Variants in KIF14 observed in about 807,000 individuals in gnomAD.
The protein encoded by KIF14 is kinesin-like protein KIF14.
Under a neutral mutation model 176.2 loss-of-function variants are expected in KIF14, and 98 were observed. The observed-to-expected ratio is 0.56, with a 90% confidence interval of 0.47 to 0.66. KIF14 has a LOEUF of 0.66. Among genes scored for constraint, KIF14 ranks in the 30% least tolerant of loss-of-function variants. KIF14 has a pLI of 0.00. For synonymous variants in KIF14, 566 were observed against 632.2 expected (o/e 0.90, Z 1.57); for missense variants, 1,751 against 1,920.4 (o/e 0.91, Z 1.65).
rs150613750 is a variant in KIF14, at chr1:200,587,543, G to T, written c.3115-1316C>A. On this transcript the variant is annotated intron_variant, in intron 18 of 29. Coordinates refer to ENST00000367350, the MANE Select transcript of KIF14 (RefSeq NM_014875.3). ...TAATAATTGTTTTGGGGCCGGGTGC[G>T]GTGGCTCATGCCTATAATCCCAGCA... Among the ~76,000 whole-genome samples, 495 of 152,202 alleles carry T rather than the reference G, an allele frequency of 3.3e-3. 4 individuals are homozygous for T. Among genetic ancestry groups the T allele is most frequent in the African/African-American group, 0.011 (475 of 41,516 alleles).
At position 200,581,070 on chromosome 1, in the gene KIF14, C is replaced by G. The variant is rs181538094; in HGVS notation, c.3335+131G>C. On this transcript the variant is annotated intron_variant, in intron 20 of 29. Transcript: ENST00000367350. ...TGGAGGTTGCAGTGAGCCCAGATTG[C>G]GCCACTGCACTCCAGCCTGGGCAAC... The G allele has an allele frequency of 1.2e-3, 536 of 435,656 alleles. 5 individuals are homozygous for G. Among genetic ancestry groups the G allele is most frequent in the African/African-American group, 0.011 (472 of 42,342 alleles). The allele number at this position is 435,656 out of a possible 1,614,324, so 27.0% of individuals were successfully genotyped here.
In KIF14 at chr1:200,589,256, G is replaced by A; in HGVS notation, c.3075C>T (p.Asn1025=). The part of the protein sequence containing the change: ...KQHLEQEIYV[N]KKRLEMETLA... ...ATGTTTCCATTTCTAATCGCTTTTT[G>A]TTGACATATATTTCCTGTTCAAGAT... The change falls in exon 18 of 30, where the codon AAC becomes AAT. Residue 1025 remains asparagine, a synonymous_variant. Transcript: ENST00000367350. 2 of 1,607,408 alleles carry A rather than the reference G, an allele frequency of 1.2e-6. No homozygotes were observed. The highest frequency in any genetic ancestry group is 1.7e-6 in the Non-Finnish European group (2 of 1,176,220).
At chr1:200,599,153 C>T (rs187219213) in intron 13 of KIF14, among the ~76,000 whole-genome samples, 5 of 152,254 alleles carry the variant, frequency 3.3e-5, no homozygotes, top group African/African-American at 9.6e-5. Context: ...TTAATTCTCT[C>T]GAAAGGGTGC....
At chr1:200,594,216 T>A (rs868166978) in intron 14 of KIF14, among the ~76,000 whole-genome samples, 1 of 152,068 alleles carries the variant, frequency 6.6e-6, no homozygotes. Flanking sequence ...ATTACAGGCA[T>A]GAGCCACTGC....
Position 200,603,874 on chromosome 1 carries a change from A to G in KIF14, c.1828T>C (p.Cys610Arg). Reference protein sequence around the residue: ...NLIDLAGSERCSTAHTNGDRL... With the variant: ...NLIDLAGSERRSTAHTNGDRL... ...TCTCCATTAGTGTGAGCCGTAGAGC[A>G]GCGCTCACTGCCTGCCAGATCTATT... is the stretch of plus-strand genomic sequence containing the variant. The change falls in exon 9 of 30, where the codon TGC becomes CGC. Residue 610 changes from cysteine to arginine, a missense_variant. Coordinates refer to ENST00000367350, the MANE Select transcript of KIF14 (RefSeq NM_014875.3). 8 of 1,612,446 alleles carry G rather than the reference A, an allele frequency of 5.0e-6. No homozygotes were observed. The highest frequency in any genetic ancestry group is 6.8e-6 in the Non-Finnish European group (8 of 1,178,454).
At position 200,603,296 on chromosome 1, in the gene KIF14, T is replaced by C. The variant is rs765578699; in HGVS notation, c.1909A>G (p.Ile637Val). The C allele has an allele frequency of 1.3e-5, 21 of 1,610,174 alleles. 1 individual carries two copies. Among genetic ancestry groups the C allele is most frequent in the Admixed American group, 5.0e-5 (3 of 59,980 alleles). The change falls in exon 10 of 30, where the codon ATA becomes GTA. Residue 637 changes from isoleucine (I) to valine (V), a missense_variant. Transcript: ENST00000367350. ...NKSLLTLGKV[I>V]SALSEQANQR... ...TTTGCTTGTTCCGAAAGTGCAGATATAACTTTTCCCAAAGTTAGCAAGGAC... is the reference window on the plus strand; with the variant it reads ...TTTGCTTGTTCCGAAAGTGCAGATACAACTTTTCCCAAAGTTAGCAAGGAC...
At chr1:200,586,780 TATATAC>T (rs1310662210) in intron 18 of KIF14, among the ~76,000 whole-genome samples, 3 of 72,768 alleles carry the variant, frequency 4.1e-5, no homozygotes. Flanking sequence ...GGTGTATATA[TATATAC>T]ATACATATAT....
At position 200,620,244 on chromosome 1, in the gene KIF14, T is replaced by G. The variant is rs190226016; in HGVS notation, c.-116+167A>C. ...AAATTCTCTTGCAACTAAAAACCAT[T>G]TGCGATTTGCACAAATCAATACGGT... On this transcript the variant is annotated intron_variant, in intron 1 of 29. Transcript: ENST00000367350. Among the ~76,000 whole-genome samples, 7 of 152,334 alleles carry G rather than the reference T, an allele frequency of 4.6e-5. No homozygotes were observed. In the East Asian group the frequency reaches 1.3e-3, roughly 29 times the overall value.
At chr1:200,555,768 A>G (rs1299537107) in intron 27 of KIF14, among the ~76,000 whole-genome samples, 1 of 152,138 alleles carries the variant, frequency 6.6e-6, no homozygotes, top group Non-Finnish European at 1.5e-5. Context: ...CCTTTTAAAC[A>G]CATTGATCAT....
intron 6 of KIF14, 124 bp downstream of exon 6, chr1:200,606,622 A>C (rs1367565306): frequency 1.7e-5 from 14 of 837,466 alleles, no homozygotes; most frequent in Non-Finnish European, 2.8e-5. Context: ...AAGGCTAAAT[A>C]AATAGTTACC....
intron 21 of KIF14, among the ~76,000 whole-genome samples, chr1:200,578,094 T>C (rs998838194): frequency 6.6e-6 from 1 of 152,160 alleles, no homozygotes; most frequent in Non-Finnish European, 1.5e-5. Context: ...TTTATTAGCA[T>C]AAAGTTTTAT....
chr1:200,619,303 ATT>A (rs35089676), intron 1 of KIF14, among the ~76,000 whole-genome samples: 55,374 of 147,808 alleles, frequency 0.37, 10,680 homozygotes, highest in African/African-American at 0.47. Context: ...TGCTACACGT[ATT>A]TTTTTTTTTT....
At chr1:200,570,683 G>A (rs1470315632) in intron 22 of KIF14, among the ~76,000 whole-genome samples, 1 of 152,196 alleles carries the variant, frequency 6.6e-6, no homozygotes, top group African/African-American at 2.4e-5. Flanking sequence ...ATTTTATCCT[G>A]AGCAAATTAT....
intron 27 of KIF14, among the ~76,000 whole-genome samples, chr1:200,555,712 ATTTAT>A (rs1196718903): frequency 2.0e-5 from 3 of 152,102 alleles, no homozygotes; most frequent in African/African-American, 7.2e-5. Flanking sequence ...AATCTCTCTC[ATTTAT>A]TTTATTTACA....
Position 200,586,248 on chromosome 1 carries a change from C to T in KIF14, c.3115-21G>A, listed in dbSNP as rs1158000537. The T allele has an allele frequency of 2.6e-6, 4 of 1,540,196 alleles. No individual in the cohort carries two copies. In the Admixed American group the frequency reaches 5.7e-5, roughly 22 times the overall value. On this transcript the variant is annotated intron_variant, in intron 18 of 29. Transcript: ENST00000367350. Reference sequence around the variant, plus strand: ...AAAGCCTAATTGATATTCATTCATACAGACCCACATGTGAGAATATGCAAA... The same window carrying T: ...AAAGCCTAATTGATATTCATTCATATAGACCCACATGTGAGAATATGCAAA...
At chr1:200,592,011 C>A in intron 16 of KIF14, 69 bp downstream of exon 16, 1 of 1,322,624 alleles carries the variant, frequency 7.6e-7, no homozygotes, top group Non-Finnish European at 1.0e-6. Context: ...TAGAGACTGG[C>A]ACAATGTGAT....
intron 22 of KIF14, among the ~76,000 whole-genome samples, chr1:200,572,863 A>G (rs966796776): frequency 1.3e-4 from 20 of 152,248 alleles, no homozygotes; most frequent in African/African-American, 4.6e-4. Context: ...TATCTACCCA[A>G]TTTCACCTAA....
intron 1 of KIF14, among the ~76,000 whole-genome samples, chr1:200,619,046 A>T (rs1305781317): frequency 6.6e-6 from 1 of 152,252 alleles, no homozygotes; most frequent in Non-Finnish European, 1.5e-5. Context: ...CTAAGTTTCC[A>T]TTAGTGCCAG....
At chr1:200,553,900 A>G in intron 29 of KIF14, 133 bp from the exon 30 acceptor site, 1 of 824,046 alleles carries the variant, frequency 1.2e-6, no homozygotes, top group Non-Finnish European at 1.8e-6. Flanking sequence ...ACTTAAGATT[A>G]GTCAACTAAA....
Sources: allele counts gnomAD v4.1 joint callset (sites outside exome capture counted in the v4.1 genomes callset), GRCh38; gene constraint gnomAD v4.1.1; transcripts MANE v1.5; gene names NCBI Gene and HGNC (gene_info 2026-07-23, HGNC 2026-07-21).